STK32B: variants seen among roughly 807,000 people sequenced by gnomAD.
The protein encoded by STK32B is serine/threonine kinase 32B, also known as serine/threonine-protein kinase 32B.
In STK32B, 43 loss-of-function variants were observed where a neutral mutation model predicts 52.6. The observed-to-expected ratio is 0.82, with a 90% confidence interval of 0.64 to 1.05. The LOEUF is 1.05. STK32B is among the 50% of genes least tolerant of loss of function. The probability of loss-of-function intolerance (pLI) is 0.00; values close to 1 mark genes in which losing one functional copy is unlikely to be tolerated. For missense variants in STK32B, 621 were observed against 534.6 expected (o/e 1.16, Z -1.59); for synonymous variants, 238 against 204.3 (o/e 1.17, Z -1.41).
chr4:5,051,413 C>G (rs181008708), upstream of STK32B: 1 of 182,852 alleles, frequency 5.5e-6, no homozygotes, highest in African/African-American at 2.6e-5. Flanking sequence ...CGATCCCTTT[C>G]TCAGCTCCTT....
intron 3 of STK32B, among the ~76,000 whole-genome samples, chr4:5,316,059 G>C (rs1307420388): frequency 7.4e-6 from 1 of 135,676 alleles, no homozygotes; most frequent in Non-Finnish European, 1.5e-5. Flanking sequence ...TGTAATGTCT[G>C]TTTAGTTTTG....
At chr4:5,050,776 C>T (rs1334062671), upstream of STK32B, among the ~76,000 whole-genome samples, 2 of 152,196 alleles carry the variant, frequency 1.3e-5, no homozygotes, top group Admixed American at 1.3e-4. Context: ...ACTTAGGCAC[C>T]CGCAACTGTG....
At chr4:5,496,949 TAAAG>T (rs1000694121) in intron 11 of STK32B, among the ~76,000 whole-genome samples, 2 of 152,112 alleles carry the variant, frequency 1.3e-5, no homozygotes, top group Non-Finnish European at 2.9e-5. Context: ...TAGAGAACGA[TAAAG>T]AAAAGAAATT....
At chr4:5,097,465 A>G (rs145792699) in intron 1 of STK32B, among the ~76,000 whole-genome samples, 2 of 151,118 alleles carry the variant, frequency 1.3e-5, no homozygotes, top group Admixed American at 6.6e-5. Flanking sequence ...ATGTCTACAC[A>G]TCAAGAAAGA....
intron 6 of STK32B, among the ~76,000 whole-genome samples, chr4:5,444,373 G>A (rs1481089084): frequency 1.2e-4 from 19 of 152,198 alleles, no homozygotes; most frequent in African/African-American, 1.9e-4. Context: ...TCCAGGTGCC[G>A]TCCGTCACCC....
intron 5 of STK32B, among the ~76,000 whole-genome samples, chr4:5,413,137 C>T (rs1711847870): frequency 6.6e-6 from 1 of 152,134 alleles, no homozygotes; most frequent in Non-Finnish European, 1.5e-5. Context: ...TCCTAACCAT[C>T]CTGTTAAGCC....
At chr4:5,263,961 T>C (rs548299474) in intron 3 of STK32B, among the ~76,000 whole-genome samples, 47 of 152,360 alleles carry the variant, frequency 3.1e-4, no homozygotes, top group African/African-American at 1.1e-3. Flanking sequence ...ATAATGTTTT[T>C]GAGATTCAAG....
At chr4:5,440,007 T>C (rs942980068) in intron 6 of STK32B, among the ~76,000 whole-genome samples, 62 of 152,268 alleles carry the variant, frequency 4.1e-4, no homozygotes, top group Admixed American at 1.8e-3. Flanking sequence ...GTTACTGTAG[T>C]CTTGTAGTAT....
intron 3 of STK32B, among the ~76,000 whole-genome samples, chr4:5,220,381 A>G (rs1462431307): frequency 6.6e-6 from 1 of 152,200 alleles, no homozygotes; most frequent in African/African-American, 2.4e-5. Context: ...CAGTGTGATG[A>G]GTGCTAAGAT....
At chr4:5,135,598 C>T (rs1369490824) in intron 1 of STK32B, among the ~76,000 whole-genome samples, 1 of 152,104 alleles carries the variant, frequency 6.6e-6, no homozygotes. Context: ...TATTAAGTCC[C>T]AAGGTAAGTG....
chr4:5,484,948 C>T (rs1183189955), intron 11 of STK32B, among the ~76,000 whole-genome samples: 1 of 152,194 alleles, frequency 6.6e-6, no homozygotes, highest in Non-Finnish European at 1.5e-5. Flanking sequence ...GAGTTTCTGC[C>T]TAGCGATCAG....
intron 6 of STK32B, among the ~76,000 whole-genome samples, chr4:5,420,410 C>G (rs1404373951): frequency 6.6e-6 from 1 of 152,076 alleles, no homozygotes; most frequent in Non-Finnish European, 1.5e-5. Flanking sequence ...CCTTGAGATT[C>G]AAGAGAGATC....
chr4:5,460,243 C>T lies in STK32B; in HGVS notation c.909+15C>T, dbSNP rs768281822. The T allele has an allele frequency of 3.7e-6, 6 of 1,602,480 alleles. No homozygotes were observed. Among genetic ancestry groups the T allele is most frequent in the Non-Finnish European group, 5.1e-6 (6 of 1,174,034 alleles). On this transcript the variant is annotated intron_variant, in intron 9 of 11. Coordinates refer to ENST00000282908, the MANE Select transcript of STK32B (RefSeq NM_018401.3). The surrounding 1 kb of genome is among the most constrained non-coding windows in gnomAD (Gnocchi z 4.8). ...TTGTGCCCAATGTGAGTGGAAGTCC[C>T]ACCTGATGTCATGCCACCCCTCTGC...
chr4:5,485,724 A>G (rs1009393336), intron 11 of STK32B, among the ~76,000 whole-genome samples: 3 of 151,850 alleles, frequency 2.0e-5, no homozygotes, highest in African/African-American at 4.8e-5. Context: ...GGTTTTATCT[A>G]CCTTTGGTCT....
chr4:5,475,563 G>T (rs770694721), intron 11 of STK32B, among the ~76,000 whole-genome samples: 2 of 150,556 alleles, frequency 1.3e-5, no homozygotes, highest in African/African-American at 4.9e-5. Flanking sequence ...GGCAAGCGTG[G>T]TGGTGCACGC....
chr4:5,353,255 A>T (rs1250881541), intron 4 of STK32B, among the ~76,000 whole-genome samples: 1 of 152,192 alleles, frequency 6.6e-6, no homozygotes, highest in Non-Finnish European at 1.5e-5. Context: ...AAACAACTCA[A>T]GGTGGATTAA....
In STK32B at chr4:5,242,523, G is replaced by A. The variant is rs190650596; in HGVS notation, c.260+74073G>A. Among the ~76,000 whole-genome samples, 1,200 of 152,138 alleles carry A rather than the reference G, an allele frequency of 7.9e-3. 10 individuals are homozygous for A. The highest frequency in any genetic ancestry group is 0.011 in the Non-Finnish European group (736 of 67,990). On this transcript the variant is annotated intron_variant, in intron 3 of 11. Transcript: ENST00000282908. The stretch of plus-strand genomic sequence containing the variant: ...TTGCAAAAATTTTCTCCCATTCTGT[G>A]GGTTGCCTGTTCACTCTGATGGTGG...
At chr4:5,031,798 C>T in the STK32B span, among the ~76,000 whole-genome samples, 17 of 152,132 alleles carry the variant, frequency 1.1e-4, no homozygotes, top group South Asian at 2.1e-4. Flanking sequence ...CTTGACACCA[C>T]GGCCTCAGTC....
chr4:5,444,590 C>A (rs1332817527), intron 6 of STK32B, among the ~76,000 whole-genome samples: 1 of 152,202 alleles, frequency 6.6e-6, no homozygotes, highest in African/African-American at 2.4e-5. Flanking sequence ...GAGCTGTTGA[C>A]CGGAGCTGTT....
Sources: gnomAD v4.1 joint callset for allele counts (sites outside exome capture counted in the v4.1 genomes callset) on GRCh38, gnomAD v4.1.1 for gene constraint, Gnocchi (gnomAD v3.1) non-coding constraint, MANE v1.5 for transcripts, NCBI Gene and HGNC (gene_info 2026-07-23, HGNC 2026-07-21) for gene names.